The following WWP1 variants were observed in gnomAD, a reference collection of about 807,000 sequenced individuals.
WWP1 encodes WW domain containing E3 ubiquitin protein ligase 1.
WWP1 carries 49 observed loss-of-function variants against 130.6 expected under a neutral mutation model. The ratio of observed to expected loss-of-function variants is 0.38; its 90% CI spans 0.30 to 0.48. The LOEUF (loss-of-function observed/expected upper bound fraction) is 0.48, where lower values mean the gene tolerates loss of function less well. Ranked by LOEUF, WWP1 falls within the 20% of genes least tolerant of loss-of-function variation. The pLI is 0.99. For missense variants in WWP1, 809 were observed against 1,100.6 expected (o/e 0.74, Z 3.75); for synonymous variants, 332 against 367.8 (o/e 0.90, Z 1.11).
chr8:86,395,483 C>T, intron 5 of WWP1, among the ~76,000 whole-genome samples: 1 of 127,666 alleles, frequency 7.8e-6, no homozygotes, highest in Non-Finnish European at 1.8e-5. Flanking sequence ...TTCATACTGT[C>T]CCAAACAAGA....
intron 1 of WWP1, among the ~76,000 whole-genome samples, chr8:86,361,981 T>TATATATACATATATATACACAC (rs1823634339): frequency 9.2e-5 from 13 of 141,408 alleles, no homozygotes; most frequent in Non-Finnish European, 1.5e-4. Context: ...TGTGTATATA[T>TATATATACATATATATACACAC]ATATATATAT....
chr8:86,397,508 T>C (rs1807745153), intron 5 of WWP1, among the ~76,000 whole-genome samples: 1 of 152,214 alleles, frequency 6.6e-6, no homozygotes, highest in African/African-American at 2.4e-5. Context: ...CATTATTTAC[T>C]ATGTACATTA....
chr8:86,442,544 TATGA>T, intron 17 of WWP1, 71 bp from the exon 18 acceptor site: 1 of 1,362,374 alleles, frequency 7.3e-7, no homozygotes, highest in Non-Finnish European at 9.9e-7. Context: ...ATGATGTATA[TATGA>T]ATATATTTAA....
intron 11 of WWP1, among the ~76,000 whole-genome samples, chr8:86,429,477 A>G (rs1809818554): frequency 6.6e-6 from 1 of 152,186 alleles, no homozygotes; most frequent in African/African-American, 2.4e-5. Flanking sequence ...TCAGGTAATG[A>G]TTTTTATATT....
chr8:86,467,156 A>G lies in WWP1; in HGVS notation c.*263A>G, dbSNP rs1812220526. The G allele has an allele frequency of 6.7e-6, 2 of 298,506 alleles. No homozygotes were observed. The highest frequency in any genetic ancestry group is 5.5e-5 in the Admixed American group (1 of 18,188). 18.5% of individuals were successfully genotyped at this position (298,506 alleles called of 1,614,324 possible). A position where few individuals can be genotyped will look rare whatever the true frequency, so the allele number is the denominator to read the frequency against. ...GAGACTTTATTAAAAATACATATAT[A>G]TCTATATAAACATATATGATAGTGG... On this transcript the variant is annotated 3_prime_UTR_variant, in exon 25 of 25. Transcript: ENST00000517970.
intron 3 of WWP1, among the ~76,000 whole-genome samples, chr8:86,378,655 T>G (rs1824808889): frequency 6.6e-6 from 1 of 152,206 alleles, no homozygotes; most frequent in Non-Finnish European, 1.5e-5. Context: ...ATTATTTATA[T>G]GTACATTTTG....
intron 5 of WWP1, among the ~76,000 whole-genome samples, chr8:86,390,450 C>T (rs952681975): frequency 2.6e-5 from 4 of 152,248 alleles, no homozygotes; most frequent in Admixed American, 2.0e-4. Context: ...CCCGGCACTT[C>T]GGGAGGCCCA....
At chr8:86,465,686 A>G (rs983678583) in intron 24 of WWP1, among the ~76,000 whole-genome samples, 1 of 152,210 alleles carries the variant, frequency 6.6e-6, no homozygotes, top group African/African-American at 2.4e-5. Context: ...GGCAAAGGCT[A>G]TATGTGAAAG....
At chr8:86,406,267 T>G (rs1029973630) in intron 8 of WWP1, among the ~76,000 whole-genome samples, 8 of 152,216 alleles carry the variant, frequency 5.3e-5, no homozygotes, top group Admixed American at 4.6e-4. Flanking sequence ...TGAGATAATC[T>G]AAAACATTCA....
chr8:86,439,682 A>G lies in WWP1; in HGVS notation c.1838+1009A>G, dbSNP rs577116753. Among the ~76,000 whole-genome samples, 53 of 152,354 alleles carry G rather than the reference A, an allele frequency of 3.5e-4. No individual in the cohort carries two copies. The South Asian group carries it at 5.6e-3, about 16-fold the overall frequency. The stretch of plus-strand genomic sequence containing the variant: ...ATAAAGTTTTCTACATTCACTAAAT[A>G]TATTGTTAACAGTAGATACTTGTGA... On this transcript the variant is annotated intron_variant, in intron 17 of 24. Transcript: ENST00000517970.
intron 9 of WWP1, among the ~76,000 whole-genome samples, chr8:86,417,988 A>C (rs748622179): frequency 2.6e-5 from 4 of 152,234 alleles, no homozygotes; most frequent in African/African-American, 9.6e-5. Context: ...GATAGTGACA[A>C]GTTCTATGAG....
intron 1 of WWP1, among the ~76,000 whole-genome samples, chr8:86,344,715 A>G (rs1822465459): frequency 6.6e-6 from 1 of 152,182 alleles, no homozygotes; most frequent in Non-Finnish European, 1.5e-5. Context: ...TTGAAGGACG[A>G]TTATGACTTT....
chr8:86,420,091 C>T (rs1262935344), intron 9 of WWP1, among the ~76,000 whole-genome samples: 2 of 152,076 alleles, frequency 1.3e-5, no homozygotes, highest in Non-Finnish European at 2.9e-5. Context: ...CTTGTGTTTT[C>T]CCAAAACTGG....
intron 9 of WWP1, among the ~76,000 whole-genome samples, chr8:86,414,227 C>CG (rs140201500): frequency 2.0e-5 from 3 of 150,946 alleles, no homozygotes; most frequent in African/African-American, 7.3e-5. Flanking sequence ...GTTTGTTTTT[C>CG]TGTGTGTGTG....
At chr8:86,378,596 G>A (rs1175031467) in intron 3 of WWP1, among the ~76,000 whole-genome samples, 6 of 151,976 alleles carry the variant, frequency 3.9e-5, no homozygotes, top group Admixed American at 3.9e-4. Flanking sequence ...CTACTAACTA[G>A]AACAACTTTT....
At chr8:86,359,140 G>A (rs1032008135) in intron 1 of WWP1, among the ~76,000 whole-genome samples, 4 of 152,188 alleles carry the variant, frequency 2.6e-5, no homozygotes, top group Admixed American at 1.3e-4. Flanking sequence ...TTAGAAATAT[G>A]TGTGAATAGT....
At chr8:86,422,323 T>G (rs111925314) in intron 9 of WWP1, among the ~76,000 whole-genome samples, 149 of 69,544 alleles carry the variant, frequency 2.1e-3, no homozygotes, top group African/African-American at 3.5e-3. Flanking sequence ...CAGTTTGTAT[T>G]TATTTATTTA....
At chr8:86,398,946 T>C (rs1014816205) in intron 7 of WWP1, among the ~76,000 whole-genome samples, 2 of 152,206 alleles carry the variant, frequency 1.3e-5, no homozygotes, top group Non-Finnish European at 2.9e-5. Flanking sequence ...AGAGAAACCA[T>C]GTATATACAT....
intron 9 of WWP1, among the ~76,000 whole-genome samples, chr8:86,418,520 C>T (rs182205465): frequency 1.3e-5 from 2 of 152,190 alleles, no homozygotes; most frequent in Admixed American, 6.5e-5. Context: ...ACTTAGCAAA[C>T]CCAAGAGAGC....
Sources: allele counts gnomAD v4.1 joint callset (sites outside exome capture counted in the v4.1 genomes callset), GRCh38; gene constraint gnomAD v4.1.1; transcripts MANE v1.5; gene names NCBI Gene and HGNC (gene_info 2026-07-23, HGNC 2026-07-21).